Variants in CPT1A observed in about 807,000 individuals in gnomAD.
CPT1A encodes carnitine palmitoyltransferase 1A.
In CPT1A, 64 loss-of-function variants were observed where a neutral mutation model predicts 100.8. The ratio of observed to expected loss-of-function variants is 0.63; its 90% CI spans 0.52 to 0.78. The LOEUF (loss-of-function observed/expected upper bound fraction) is 0.78, where lower values mean the gene tolerates loss of function less well. CPT1A is among the 30% of genes least tolerant of loss of function. CPT1A has a pLI of 0.00. For missense variants in CPT1A, 802 were observed against 1,034.1 expected, an observed-to-expected ratio of 0.78 and a Z score of 3.08; for synonymous variants, 363 against 396.0, an observed-to-expected ratio of 0.92 and a Z score of 0.99.
chr11:68,830,586 G>A (rs7938117), intron 1 of CPT1A, among the ~76,000 whole-genome samples: 41,463 of 152,094 alleles, frequency 0.27, 6,481 homozygotes, highest in South Asian at 0.44. Flanking sequence ...TCACAAATCC[G>A]CTGTCCCGTC....
Position 68,796,967 on chromosome 11 carries a change from C to T in CPT1A, c.694-34G>A, listed in dbSNP as rs761360303. 9 of 1,608,748 alleles carry T rather than the reference C, an allele frequency of 5.6e-6. No homozygotes were observed. The East Asian group carries it at 2.0e-4, about 36-fold the overall frequency. ...CGCAAACACCAGACAAACCCGCAGG[C>T]TCAGCAGGGGCCAGGCAGGCTCCCT... On this transcript the variant is annotated intron_variant, in intron 6 of 18. Transcript: ENST00000265641.
At chr11:68,794,736 C>T (rs769701058) in intron 8 of CPT1A, 68 bp downstream of exon 8, 23 of 1,280,900 alleles carry the variant, frequency 1.8e-5, no homozygotes, top group Non-Finnish European at 2.6e-5. Context: ...TAAACATGTG[C>T]AATATGTCAA....
intron 1 of CPT1A, among the ~76,000 whole-genome samples, chr11:68,832,360 G>T (rs926616615): frequency 6.6e-6 from 1 of 152,186 alleles, no homozygotes; most frequent in Non-Finnish European, 1.5e-5. Context: ...TGAGACAGGA[G>T]AATTTCTTGA....
intron 9 of CPT1A, among the ~76,000 whole-genome samples, chr11:68,789,454 T>C (rs1159660184): frequency 3.3e-5 from 5 of 152,098 alleles, no homozygotes; most frequent in Non-Finnish European, 7.4e-5. Flanking sequence ...TGGAGTGCAG[T>C]GGTGCGATCT....
intron 1 of CPT1A, among the ~76,000 whole-genome samples, chr11:68,823,299 A>G (rs1856634809): frequency 6.6e-6 from 1 of 152,144 alleles, no homozygotes; most frequent in Admixed American, 6.6e-5. Context: ...GGTGAATTTT[A>G]TGGTATATGA....
chr11:68,829,192 TC>T (rs1433965933), intron 1 of CPT1A, among the ~76,000 whole-genome samples: 1 of 152,024 alleles, frequency 6.6e-6, no homozygotes, highest in Non-Finnish European at 1.5e-5. Flanking sequence ...GATGTGAAGG[TC>T]CCCGGGCCGC....
Position 68,804,101 on chromosome 11 carries a change from C to A in CPT1A, c.454G>T (p.Gly152Cys). ...KMSRATKIWMGMVKIFSGRKP... is the reference protein window; with the variant it reads ...KMSRATKIWMCMVKIFSGRKP... The stretch of plus-strand genomic sequence containing the variant: ...CGGCCTGAAAAGATCTTGACCATAC[C>A]CTGAAGAGAGAGAATTATATTTTCA... The change falls in exon 5 of 19, where the codon GGT (glycine) becomes TGT (cysteine). Residue 152 changes from glycine (G) to cysteine (C), a missense_variant and splice_region_variant. Gly to Cys is a radical substitution (Grantham distance 159). This residue lies in a region of CPT1A where 161 missense variants were observed against 183.7 expected (regional missense o/e 0.88). Coordinates refer to ENST00000265641, the MANE Select transcript of CPT1A (RefSeq NM_001876.4). The A allele has an allele frequency of 6.2e-7, 1 of 1,610,110 alleles. No homozygotes were observed. Among genetic ancestry groups the A allele is most frequent in the Non-Finnish European group, 8.5e-7 (1 of 1,176,396 alleles).
chr11:68,784,957 G>A lies in CPT1A; in HGVS notation c.1021C>T (p.Arg341Cys), dbSNP rs778274101. 13 of 1,613,900 alleles carry A rather than the reference G, an allele frequency of 8.1e-6. No homozygotes were observed. The highest frequency in any genetic ancestry group is 6.7e-5 in the East Asian group (3 of 44,886). Reference protein sequence around the residue: ...SKHIVVYHRGRYFKVWLYHDG... With the variant: ...SKHIVVYHRGCYFKVWLYHDG... The stretch of plus-strand genomic sequence containing the variant: ...TGGTAGAGCCAGACCTTGAAGTAGC[G>A]TCCTCGATGGTACACGACGATGTGC... Residue 341 changes from arginine (R) to cysteine (C), a missense_variant, in exon 10 of 19, where the codon CGC becomes TGC. By Grantham distance (180) the Arg-to-Cys change is radical. This residue lies in a region of CPT1A where 627 missense variants were observed against 799.3 expected (regional missense o/e 0.78). Transcript: ENST00000265641.
At chr11:68,831,554 AATAG>A (rs1161412578) in intron 1 of CPT1A, among the ~76,000 whole-genome samples, 2 of 152,198 alleles carry the variant, frequency 1.3e-5, no homozygotes, top group African/African-American at 2.4e-5. Context: ...TGGAGATACT[AATAG>A]ATAGGTGTGT....
At position 68,821,457 on chromosome 11, in the gene CPT1A, T is replaced by C. The variant is rs550208080; in HGVS notation, c.-13-5970A>G. Among the ~76,000 whole-genome samples, 938 of 152,096 alleles carry C rather than the reference T, an allele frequency of 6.2e-3. 4 individuals carry two copies. The highest frequency in any genetic ancestry group is 0.014 in the Middle Eastern group (4 of 294). On this transcript the variant is annotated intron_variant, in intron 1 of 18. Transcript: ENST00000265641. ...CGTGAGCCACCGCGCCCGGCCTACA[T>C]TTTTGTATTTTGAGTAGAGACCTGG... is the stretch of plus-strand genomic sequence containing the variant.
At chr11:68,794,783 T>A (rs759519545) in intron 8 of CPT1A, 21 bp downstream of exon 8, 1 of 1,582,094 alleles carries the variant, frequency 6.3e-7, no homozygotes, top group East Asian at 2.2e-5. Context: ...ATAATTTTTT[T>A]AAAGCAATTT....
chr11:68,782,137 C>T (rs1201527411), intron 10 of CPT1A, among the ~76,000 whole-genome samples, 178 bp from the exon 11 acceptor site: 1 of 152,238 alleles, frequency 6.6e-6, no homozygotes, highest in Non-Finnish European at 1.5e-5. Context: ...TGCTCCTGGT[C>T]TCCAGACCAC....
intron 1 of CPT1A, among the ~76,000 whole-genome samples, chr11:68,836,274 A>G (rs936489044): frequency 2.0e-5 from 3 of 152,130 alleles, no homozygotes; most frequent in Admixed American, 6.6e-5. Context: ...CCAGGAGTTC[A>G]AGACCAGCCT....
intron 6 of CPT1A, among the ~76,000 whole-genome samples, chr11:68,798,276 C>T (rs1050258587): frequency 3.3e-5 from 5 of 152,184 alleles, no homozygotes; most frequent in African/African-American, 2.4e-5. Flanking sequence ...GCAAGGGCCT[C>T]GTGTGCGGAG....
chr11:68,761,664 GAAC>G lies in CPT1A; in HGVS notation c.1896_1898del (p.Leu632del). On this transcript the variant is annotated inframe_deletion, in exon 16 of 19. Transcript: ENST00000265641. ...GCTGATGCTTCTCAGACGCCAACTT[GAAC>G]AACTTCAGCCTCTGTTCCACCTGAG... 3 of 1,614,162 alleles carry G rather than the reference GAAC, an allele frequency of 1.9e-6. No individual in the cohort carries two copies. Among genetic ancestry groups the G allele is most frequent in the Non-Finnish European group, 2.5e-6 (3 of 1,180,024 alleles).
chr11:68,788,834 T>C (rs776014754), intron 9 of CPT1A, among the ~76,000 whole-genome samples: 4 of 152,124 alleles, frequency 2.6e-5, no homozygotes, highest in East Asian at 3.8e-4. Flanking sequence ...AAGGGTATTT[T>C]ATAGATTGCT....
At chr11:68,819,707 T>A (rs538099887) in intron 1 of CPT1A, among the ~76,000 whole-genome samples, 86 of 152,300 alleles carry the variant, frequency 5.6e-4, no homozygotes, top group African/African-American at 2.0e-3. Flanking sequence ...CGCAGAGCGA[T>A]CTGAGTTTAA....
chr11:68,815,590 G>C lies in CPT1A; in HGVS notation c.-13-103C>G. 7.1e-6 allele frequency: 8 copies of C among 1,129,886 alleles called. No individual in the cohort carries two copies. In the South Asian group the frequency reaches 1.0e-4, roughly 15 times the overall value. 70.0% of individuals were successfully genotyped at this position (1,129,886 alleles called of 1,614,324 possible). On this transcript the variant is annotated intron_variant, in intron 1 of 18. Coordinates refer to ENST00000265641, the MANE Select transcript of CPT1A (RefSeq NM_001876.4). ...TCCTTCTGAACTTAAGTTCTTCCTC[G>C]CCACTTAACAGATTTAATACTTTTC...
intron 14 of CPT1A, among the ~76,000 whole-genome samples, chr11:68,766,863 C>G (rs1854821892): frequency 6.6e-6 from 1 of 151,460 alleles, no homozygotes; most frequent in Non-Finnish European, 1.5e-5. Flanking sequence ...GGAAACTTCA[C>G]AACATCACCT....
Sources: allele counts gnomAD v4.1 joint callset (sites outside exome capture counted in the v4.1 genomes callset), GRCh38; gene constraint gnomAD v4.1.1; regional missense constraint gnomAD v4.1.1; transcripts MANE v1.5; gene names NCBI Gene and HGNC (gene_info 2026-07-23, HGNC 2026-07-21).